PAX7: variants seen among roughly 807,000 people sequenced by gnomAD.
PAX7 encodes paired box protein Pax-7.
Under a neutral mutation model 50.7 loss-of-function variants are expected in PAX7, and 18 were observed. The observed-to-expected ratio is 0.36, with a 90% CI of 0.25 to 0.53. The LOEUF is 0.53. Among genes scored for constraint, PAX7 ranks in the 20% least tolerant of loss-of-function variants. The probability of loss-of-function intolerance (pLI) is 0.93; values close to 1 mark genes in which losing one functional copy is unlikely to be tolerated. For missense variants in PAX7, 644 were observed against 702.9 expected (o/e 0.92, Z 0.95); for synonymous variants, 310 against 290.4 (o/e 1.07, Z -0.69).
intron 7 of PAX7, among the ~76,000 whole-genome samples, chr1:18,716,931 C>G (rs1193708684): frequency 1.3e-5 from 2 of 151,236 alleles, no homozygotes; most frequent in Admixed American, 1.3e-4. Context: ...GGACCGGGCG[C>G]GGGCTCCCGA....
At chr1:18,686,034 CT>C (rs1214608831) in intron 4 of PAX7, among the ~76,000 whole-genome samples, 7 of 152,246 alleles carry the variant, frequency 4.6e-5, no homozygotes, top group African/African-American at 1.4e-4. Flanking sequence ...CCTTCCGCCC[CT>C]CATTCTGTCC....
At chr1:18,680,800 AT>A (rs917684665) in intron 4 of PAX7, among the ~76,000 whole-genome samples, 12 of 152,298 alleles carry the variant, frequency 7.9e-5, no homozygotes, top group African/African-American at 2.4e-4. Context: ...GAAATAACCC[AT>A]GAGAGAAGTG....
At chr1:18,736,220 T>C in intron 8 of PAX7, 1 of 536,584 alleles carries the variant, frequency 1.9e-6, no homozygotes, top group South Asian at 2.6e-5. Flanking sequence ...ATCCCAGCAC[T>C]TTGGAAGGCT....
chr1:18,730,662 CG>C (rs1226608410), intron 7 of PAX7, among the ~76,000 whole-genome samples: 7 of 152,204 alleles, frequency 4.6e-5, no homozygotes, highest in African/African-American at 1.7e-4. Context: ...CCCAGGCCCT[CG>C]GGGCCAGCTC....
intron 8 of PAX7, among the ~76,000 whole-genome samples, chr1:18,738,437 G>T: frequency 6.6e-6 from 1 of 152,296 alleles, no homozygotes; most frequent in East Asian, 1.9e-4. Flanking sequence ...CAGCATGGGG[G>T]CAGCAGGGGA....
chr1:18,730,986 C>T (rs84353), intron 7 of PAX7, among the ~76,000 whole-genome samples: 67,857 of 151,906 alleles, frequency 0.45, 16,034 homozygotes, highest in African/African-American at 0.58. Context: ...GTCAGCCTGA[C>T]GGACAGCCCT....
intron 4 of PAX7, among the ~76,000 whole-genome samples, chr1:18,653,878 A>G (rs1317568194): frequency 6.6e-6 from 1 of 152,114 alleles, no homozygotes; most frequent in African/African-American, 2.4e-5. Flanking sequence ...AAATGCCAGC[A>G]AAAGGTCTAA....
intron 7 of PAX7, among the ~76,000 whole-genome samples, chr1:18,714,238 T>TAA (rs1229915522): frequency 9.9e-5 from 15 of 150,994 alleles, no homozygotes; most frequent in South Asian, 2.1e-4. Flanking sequence ...AATAAATAAA[T>TAA]ATACAAAAAC....
At chr1:18,679,296 G>A (rs895111148) in intron 4 of PAX7, among the ~76,000 whole-genome samples, 1 of 152,200 alleles carries the variant, frequency 6.6e-6, no homozygotes, top group Non-Finnish European at 1.5e-5. Flanking sequence ...CTTTCCAACT[G>A]GACACAGCCC....
intron 7 of PAX7, among the ~76,000 whole-genome samples, chr1:18,725,152 G>A (rs753459813): frequency 3.3e-5 from 5 of 152,126 alleles, no homozygotes; most frequent in African/African-American, 7.2e-5. Flanking sequence ...GGGGCAAGCC[G>A]GGCCTGAGCT....
At position 18,676,133 on chromosome 1, in the gene PAX7, T is replaced by C. The variant is rs143382408; in HGVS notation, c.587-15621T>C. Among the ~76,000 whole-genome samples the C allele has an allele frequency of 2.6e-3, 392 of 152,296 alleles. 1 individual carries two copies. The highest frequency in any genetic ancestry group is 3.9e-3 in the Non-Finnish European group (265 of 68,032). ...CTCAAAAATCACCATTAGAGTACGC[T>C]CCTTATGGCCATAAAATTTCTCGTT... On this transcript the variant is annotated intron_variant, in intron 4 of 8. Transcript: ENST00000420770.
Position 18,636,258 on chromosome 1 carries a change from G to T in PAX7, c.473G>T (p.Arg158Leu). The T allele has an allele frequency of 6.2e-7, 1 of 1,614,120 alleles. No homozygotes were observed. The highest frequency in any genetic ancestry group is 8.5e-7 in the Non-Finnish European group (1 of 1,179,982). The change falls in exon 4 of 9, where the codon CGC becomes CTC. Residue 158 changes from arginine (R) to leucine (L), a missense_variant. By Grantham distance (102) the Arg-to-Leu change is moderately radical. Coordinates refer to ENST00000420770, the MANE Select transcript of PAX7 (RefSeq NM_001135254.2). This position sits in a 1 kb window ranked among gnomAD's most constrained non-coding sequence, Gnocchi z 5.1. ...TGAGGTTTAGTGAGTTCGATTAGCC[G>T]CGTGCTCAGAATCAAGTTCGGGAAG... ...VPSGLVSSIS[R>L]VLRIKFGKKE...
rs916407020 is a variant in PAX7, at chr1:18,748,119, G to T, written c.*3190G>T. ...AGCAAACAGAGAACTAGGGGGATAAGAGAGAAGAAAAGAAGAATGGAGAGA... is the reference window on the plus strand; with the variant it reads ...AGCAAACAGAGAACTAGGGGGATAATAGAGAAGAAAAGAAGAATGGAGAGA... On this transcript the variant is annotated 3_prime_UTR_variant, in exon 9 of 9. Coordinates refer to ENST00000420770, the MANE Select transcript of PAX7 (RefSeq NM_001135254.2). The T allele has an allele frequency of 4.6e-6, 1 of 217,450 alleles. No individual in the cohort carries two copies. Among genetic ancestry groups the T allele is most frequent in the Non-Finnish European group, 9.2e-6 (1 of 108,216 alleles). The allele number at this position is 217,450 out of a possible 1,614,324, so 13.5% of individuals were successfully genotyped here.
At chr1:18,696,905 A>C (rs1241825729) in intron 5 of PAX7, among the ~76,000 whole-genome samples, 1 of 152,140 alleles carries the variant, frequency 6.6e-6, no homozygotes, top group Non-Finnish European at 1.5e-5. Context: ...AAAAGAATAT[A>C]ATTGGACTGT....
Position 18,712,606 on chromosome 1 carries a change from C to A in PAX7, c.1155+9310C>A, listed in dbSNP as rs115541123. Among the ~76,000 whole-genome samples, 447 of 152,278 alleles carry A rather than the reference C, an allele frequency of 2.9e-3. 1 individual carries two copies. The highest frequency in any genetic ancestry group is 3.5e-3 in the Non-Finnish European group (235 of 68,018). ...GTAGGCTCTGCTAGGAACTGGGAGG[C>A]CTGGCGGATTGCCTGGCTTTCAGGG... On this transcript the variant is annotated intron_variant, in intron 7 of 8. Coordinates refer to ENST00000420770, the MANE Select transcript of PAX7 (RefSeq NM_001135254.2).
At chr1:18,640,634 A>C (rs192568168) in intron 4 of PAX7, among the ~76,000 whole-genome samples, 158 of 152,320 alleles carry the variant, frequency 1.0e-3, no homozygotes, top group African/African-American at 3.7e-3. Context: ...CACCAAATCA[A>C]AGGATTACCC....
At chr1:18,740,441 G>A (rs1054535788) in intron 8 of PAX7, among the ~76,000 whole-genome samples, 37 of 152,194 alleles carry the variant, frequency 2.4e-4, no homozygotes, top group Admixed American at 5.2e-4. Context: ...TCCATGTCAC[G>A]CACTGCATGT....
At chr1:18,698,381 T>C (rs968465525) in intron 5 of PAX7, among the ~76,000 whole-genome samples, 8 of 151,994 alleles carry the variant, frequency 5.3e-5, no homozygotes, top group African/African-American at 1.9e-4. Flanking sequence ...TCTCCCTGCA[T>C]TCAGAAGGGA....
intron 4 of PAX7, among the ~76,000 whole-genome samples, chr1:18,677,969 C>T (rs1483955725): frequency 1.3e-5 from 2 of 151,726 alleles, no homozygotes; most frequent in Non-Finnish European, 1.5e-5. Context: ...GTAGTCCCAG[C>T]TACTCCGGAG....
Sources: allele counts gnomAD v4.1 joint callset (sites outside exome capture counted in the v4.1 genomes callset), GRCh38; gene constraint gnomAD v4.1.1; non-coding constraint Gnocchi (gnomAD v3.1); transcripts MANE v1.5; gene names NCBI Gene and HGNC (gene_info 2026-07-23, HGNC 2026-07-21).